The following ANKRD30A variants were observed in gnomAD, a reference collection of about 807,000 sequenced individuals.
The protein encoded by ANKRD30A is ankyrin repeat domain-containing protein 30A.
A neutral mutation model predicts 166.3 loss-of-function variants in ANKRD30A; 170 were observed. The observed-to-expected ratio is 1.02, with a 90% CI of 0.90 to 1.16. The LOEUF (loss-of-function observed/expected upper bound fraction) is 1.16, where lower values mean the gene tolerates loss of function less well. Ranked by LOEUF, ANKRD30A falls within the 50% of genes most tolerant of loss-of-function variation. The pLI is 0.00. For missense variants in ANKRD30A, 1,630 were observed against 1,518.0 expected, an observed-to-expected ratio of 1.07 and a Z score of -1.23; for synonymous variants, 564 against 508.9, an observed-to-expected ratio of 1.11 and a Z score of -1.46.
At chr10:37,161,969 A>C (rs2132594770) in intron 15 of ANKRD30A, among the ~76,000 whole-genome samples, 1 of 152,314 alleles carries the variant, frequency 6.6e-6, no homozygotes, top group South Asian at 2.1e-4. Flanking sequence ...ATTTATGTTT[A>C]ATTCATCTAT....
chr10:37,252,002 A>C, the ANKRD30A span, among the ~76,000 whole-genome samples: 1 of 152,162 alleles, frequency 6.6e-6, no homozygotes, highest in Non-Finnish European at 1.5e-5. Context: ...CAGGAACCCA[A>C]GTCCATTAAG....
Position 37,147,438 on chromosome 10 carries a change from GATAA to G in ANKRD30A, c.1528_1531del (p.Asn510GlufsTer3), listed in dbSNP as rs776918235. The G allele has an allele frequency of 1.6e-5, 25 of 1,583,552 alleles. No homozygotes were observed. Among genetic ancestry groups the G allele is most frequent in the South Asian group, 5.8e-5 (5 of 86,428 alleles). On this transcript the variant is annotated frameshift_variant, in exon 9 of 36. Transcript: ENST00000361713. LOFTEE classifies it high-confidence loss of function. ...AGTCTATATATCAAAAAGTAATGGA[GATAA>G]ATAGAGAAGTAGAAGGTAAGAACGA...
intron 31 of ANKRD30A, 49 bp downstream of exon 31, chr10:37,201,374 A>C (rs1841614052): frequency 1.4e-6 from 2 of 1,387,502 alleles, no homozygotes; most frequent in East Asian, 4.9e-5. Flanking sequence ...GTATTTCTCT[A>C]AAATGATGAG....
Position 37,219,389 on chromosome 10 carries a change from C to A in ANKRD30A, c.3677C>A (p.Ala1226Glu), listed in dbSNP as rs779261333. ...AGTCAAGAACCTGCTTTCCACATTG[C>A]AGGAGATGCTTGTTTGCAAAGAAAA... ...RKSQEPAFHI[A>E]GDACLQRKMN... is the part of the protein sequence containing the mutation. The change falls in exon 34 of 36, where the codon GCA becomes GAA. Residue 1226 changes from alanine to glutamate, a missense_variant. Transcript: ENST00000361713. 40 of 1,610,390 alleles carry A rather than the reference C, an allele frequency of 2.5e-5. No homozygotes were observed. Among genetic ancestry groups the A allele is most frequent in the Non-Finnish European group, 3.3e-5 (39 of 1,177,758 alleles).
chr10:37,155,880 G>C (rs570456398), intron 13 of ANKRD30A, among the ~76,000 whole-genome samples: 87 of 152,226 alleles, frequency 5.7e-4, no homozygotes, highest in African/African-American at 1.8e-3. Flanking sequence ...AGGAGATCCA[G>C]ACCATCCTGG....
At chr10:37,245,556 A>G in the ANKRD30A span, among the ~76,000 whole-genome samples, 1 of 151,950 alleles carries the variant, frequency 6.6e-6, no homozygotes, top group African/African-American at 2.4e-5. Flanking sequence ...TTCATAATAT[A>G]TATCTTTTAG....
chr10:37,196,365 G>A (rs1380851629), intron 27 of ANKRD30A, among the ~76,000 whole-genome samples: 1 of 151,982 alleles, frequency 6.6e-6, no homozygotes, highest in Non-Finnish European at 1.5e-5. Flanking sequence ...ATATTTTGTT[G>A]ATGTTAGCTA....
At chr10:37,252,890 G>C in the ANKRD30A span, among the ~76,000 whole-genome samples, 106 of 152,192 alleles carry the variant, frequency 7.0e-4, no homozygotes, top group Non-Finnish European at 1.4e-3. Context: ...TGTTTATTAT[G>C]TGTACATCCA....
At chr10:37,153,322 G>T (rs1221917458) in intron 12 of ANKRD30A, among the ~76,000 whole-genome samples, 4 of 152,036 alleles carry the variant, frequency 2.6e-5, no homozygotes, top group Non-Finnish European at 5.9e-5. Context: ...TTTTATCAAG[G>T]TGATTTGTTT....
chr10:37,220,424 A>C (rs1028355627), intron 34 of ANKRD30A, among the ~76,000 whole-genome samples: 15 of 150,974 alleles, frequency 9.9e-5, no homozygotes, highest in African/African-American at 3.6e-4. Flanking sequence ...ACTTTTTTTC[A>C]GTAGCTTTTT....
chr10:37,195,512 C>A (rs1219030340), intron 27 of ANKRD30A, among the ~76,000 whole-genome samples: 1 of 152,146 alleles, frequency 6.6e-6, no homozygotes, highest in Non-Finnish European at 1.5e-5. Flanking sequence ...GTTGTAACTC[C>A]AGCAGTTTTA....
At chr10:37,136,114 T>C (rs77717069) in intron 5 of ANKRD30A, among the ~76,000 whole-genome samples, 1 of 139,818 alleles carries the variant, frequency 7.2e-6, no homozygotes, top group Non-Finnish European at 1.6e-5. Context: ...TTTATTGGGA[T>C]TTTAAAACAG....
chr10:37,222,408 A>C (rs1254743656), intron 34 of ANKRD30A, among the ~76,000 whole-genome samples: 1 of 151,246 alleles, frequency 6.6e-6, no homozygotes, highest in African/African-American at 2.4e-5. Flanking sequence ...AGTGTTTTTA[A>C]GTTTCATCTA....
intron 30 of ANKRD30A, among the ~76,000 whole-genome samples, chr10:37,200,976 A>AT (rs1251717549): frequency 6.6e-6 from 1 of 151,926 alleles, no homozygotes; most frequent in Non-Finnish European, 1.5e-5. Context: ...GCACGATTGA[A>AT]TTTTTTCGTG....
chr10:37,165,763 G>A (rs1839278044), intron 18 of ANKRD30A, among the ~76,000 whole-genome samples: 1 of 152,084 alleles, frequency 6.6e-6, no homozygotes, highest in African/African-American at 2.4e-5. Flanking sequence ...AACTCCTTGA[G>A]TCCCCTTATG....
intron 15 of ANKRD30A, among the ~76,000 whole-genome samples, chr10:37,159,947 C>T (rs2486129): frequency 0.55 from 84,264 of 151,936 alleles, 23,839 homozygotes; most frequent in African/African-American, 0.6. Context: ...GATCCGCCCA[C>T]CTCGGCCTCC....
intron 31 of ANKRD30A, among the ~76,000 whole-genome samples, chr10:37,214,235 C>A (rs1302469649): frequency 6.6e-6 from 1 of 151,598 alleles, no homozygotes; most frequent in Non-Finnish European, 1.5e-5. Context: ...CCTCAGCCTT[C>A]TTTTGTCAAG....
intron 34 of ANKRD30A, among the ~76,000 whole-genome samples, chr10:37,222,834 A>C (rs556229913): frequency 6.6e-6 from 1 of 151,532 alleles, no homozygotes; most frequent in Admixed American, 6.6e-5. Flanking sequence ...TCAATTGTAC[A>C]TTGCTTTATT....
chr10:37,229,856 A>C (rs1843336167), intron 34 of ANKRD30A, among the ~76,000 whole-genome samples: 1 of 151,924 alleles, frequency 6.6e-6, no homozygotes. Flanking sequence ...GTTACATGAG[A>C]TATTTTAATA....
Sources: gnomAD v4.1 joint callset for allele counts (sites outside exome capture counted in the v4.1 genomes callset) on GRCh38, gnomAD v4.1.1 for gene constraint, MANE v1.5 for transcripts, NCBI Gene and HGNC (gene_info 2026-07-23, HGNC 2026-07-21) for gene names.